Variants in KLHL26 observed in about 807,000 individuals in gnomAD.
KLHL26 encodes the protein kelch like family member 26.
Under a neutral mutation model 7.1 loss-of-function variants are expected in KLHL26, and 4 were observed. That is an observed-to-expected ratio of 0.56 (90% CI 0.28 to 1.28). The LOEUF (loss-of-function observed/expected upper bound fraction) is 1.28, where lower values mean the gene tolerates loss of function less well. Among genes scored for constraint, KLHL26 ranks in the 50% most tolerant of loss-of-function variants. The pLI, the probability that KLHL26 is intolerant of heterozygous loss-of-function variation, is 0.11. For missense variants in KLHL26, 896 were observed against 924.6 expected, an observed-to-expected ratio of 0.97 and a Z score of 0.40; for synonymous variants, 465 against 414.1, an observed-to-expected ratio of 1.12 and a Z score of -1.49.
intron 1 of KLHL26, chr19:18,644,702 T>G (rs1317207753): frequency 6.6e-6 from 1 of 152,376 alleles, no homozygotes; most frequent in East Asian, 1.9e-4. Flanking sequence ...GGTCGATCTT[T>G]TGCCTTTCCA....
At chr19:18,637,204 G>C (rs374935514) in intron 1 of KLHL26, 67 bp downstream of exon 1, 1 of 1,261,128 alleles carries the variant, frequency 7.9e-7, no homozygotes, top group East Asian at 3.1e-5. Context: ...GGGCAGTCTT[G>C]GGCGTCCTGA....
chr19:18,669,251 A>C lies in KLHL26; in HGVS notation c.*6A>C, dbSNP rs2052499412. On this transcript the variant is annotated 3_prime_UTR_variant, in exon 3 of 3. Coordinates refer to ENST00000300976, the MANE Select transcript of KLHL26 (RefSeq NM_018316.3). Reference sequence around the variant, plus strand: ...GGGCCGGGACCAGGAGGTAGCCCCCAAGACCCCCGGGACCCTGGCCTGACC... The same window carrying C: ...GGGCCGGGACCAGGAGGTAGCCCCCCAGACCCCCGGGACCCTGGCCTGACC... The C allele has an allele frequency of 6.2e-7, 1 of 1,604,086 alleles. No homozygotes were observed. The highest frequency in any genetic ancestry group is 1.7e-5 in the Admixed American group (1 of 59,706).
intron 2 of KLHL26, among the ~76,000 whole-genome samples, chr19:18,665,474 C>G: frequency 6.6e-6 from 1 of 152,254 alleles, no homozygotes; most frequent in East Asian, 1.9e-4. Context: ...CCTCAGGACA[C>G]CTGGAGCAGG....
chr19:18,651,552 A>G (rs1356593823), intron 1 of KLHL26, among the ~76,000 whole-genome samples: 1 of 152,014 alleles, frequency 6.6e-6, no homozygotes, highest in Admixed American at 6.5e-5. Flanking sequence ...TTCATGACAG[A>G]CCCCCTCTGA....
chr19:18,638,257 T>G (rs151204229), intron 1 of KLHL26, among the ~76,000 whole-genome samples: 26 of 152,156 alleles, frequency 1.7e-4, no homozygotes, highest in African/African-American at 6.0e-4. Context: ...GTGGGCTGAT[T>G]GTTGGAGGGA....
In KLHL26 at chr19:18,668,564, C is replaced by T. The variant is rs780831838; in HGVS notation, c.1167C>T (p.His389=). ...ACGCCTGCTACCGCTACGACCCCCACCTGAATCGCTGGCTGCGCCTGCAGG... is the reference window on the plus strand; with the variant it reads ...ACGCCTGCTACCGCTACGACCCCCATCTGAATCGCTGGCTGCGCCTGCAGG... ...AVDACYRYDP[H]LNRWLRLQAM... Residue 389 remains histidine, a synonymous_variant, in exon 3 of 3, where the codon CAC becomes CAT. Coordinates refer to ENST00000300976, the MANE Select transcript of KLHL26 (RefSeq NM_018316.3). The T allele has an allele frequency of 3.2e-5, 51 of 1,593,810 alleles. No individual in the cohort carries two copies. The African/African-American group carries it at 4.7e-4, about 15-fold the overall frequency.
Position 18,668,951 on chromosome 19 carries a change from C to T in KLHL26, c.1554C>T (p.Asp518=), listed in dbSNP as rs1323772589. The T allele has an allele frequency of 1.2e-6, 2 of 1,610,884 alleles. No homozygotes were observed. Among genetic ancestry groups the T allele is most frequent in the South Asian group, 1.1e-5 (1 of 91,088 alleles). The change falls in exon 3 of 3, where the codon GAC becomes GAT. Residue 518 remains aspartate (D), a synonymous_variant. Coordinates refer to ENST00000300976, the MANE Select transcript of KLHL26 (RefSeq NM_018316.3). The part of the protein sequence containing the change: ...GRIYALGGRM[D]HVDRCFDVLA... ...TCTATGCCCTCGGGGGCCGCATGGA[C>T]CACGTGGACCGCTGCTTCGACGTGC...
At chr19:18,639,461 G>GT (rs1411174032) in intron 1 of KLHL26, among the ~76,000 whole-genome samples, 9 of 137,276 alleles carry the variant, frequency 6.6e-5, no homozygotes, top group African/African-American at 2.5e-4. Context: ...CCAGGCTGGA[G>GT]TGCAGTAGTG....
At position 18,669,437 on chromosome 19, in the gene KLHL26, C is replaced by T. The variant is rs1193794957; in HGVS notation, c.*192C>T. Reference sequence around the variant, plus strand: ...CCCAAAGCAGATCCTGGCTGCGAGTCCATCCGAGGGAGCCTGCCGGCAAAG... The same window carrying T: ...CCCAAAGCAGATCCTGGCTGCGAGTTCATCCGAGGGAGCCTGCCGGCAAAG... On this transcript the variant is annotated 3_prime_UTR_variant, in exon 3 of 3. Coordinates refer to ENST00000300976, the MANE Select transcript of KLHL26 (RefSeq NM_018316.3). 5.0e-6 allele frequency: 3 copies of T among 594,214 alleles called. No individual in the cohort carries two copies. The highest frequency in any genetic ancestry group is 3.1e-5 in the Admixed American group (1 of 32,310). The allele number at this position is 594,214 out of a possible 1,614,324, so 36.8% of individuals were successfully genotyped here. A position where few individuals can be genotyped will look rare whatever the true frequency, so the allele number is the denominator to read the frequency against.
intron 1 of KLHL26, among the ~76,000 whole-genome samples, chr19:18,638,069 C>T (rs1220075084): frequency 1.3e-5 from 2 of 152,142 alleles, no homozygotes; most frequent in African/African-American, 4.8e-5. Context: ...TGCTCTTTTC[C>T]TATTGGGCAA....
At chr19:18,645,761 G>A (rs959971354) in intron 1 of KLHL26, among the ~76,000 whole-genome samples, 1 of 150,952 alleles carries the variant, frequency 6.6e-6, no homozygotes, top group African/African-American at 2.4e-5. Flanking sequence ...GCAATGAGCC[G>A]AGATCCTGCC....
In KLHL26 at chr19:18,669,188, C is replaced by G; in HGVS notation, c.1791C>G (p.Ser597=). The G allele has an allele frequency of 6.2e-7, 1 of 1,612,560 alleles. No homozygotes were observed. The highest frequency in any genetic ancestry group is 1.6e-4 in the Middle Eastern group (1 of 6,062). The part of the protein sequence containing the change: ...EWERDLHFPE[S]FAGIACAPVL... ...AGCGGGACCTGCACTTCCCGGAGTC[C>G]TTCGCAGGCATAGCCTGCGCCCCCG... The change falls in exon 3 of 3, where the codon TCC becomes TCG. Residue 597 remains serine (S), a synonymous_variant. Transcript: ENST00000300976.
chr19:18,655,947 AG>A (rs1222477989), intron 1 of KLHL26, among the ~76,000 whole-genome samples: 3 of 152,160 alleles, frequency 2.0e-5, no homozygotes, highest in Admixed American at 1.3e-4. Flanking sequence ...CCCGGCCTTG[AG>A]GGCACTGGGC....
At chr19:18,643,630 C>T (rs1976753648) in intron 1 of KLHL26, among the ~76,000 whole-genome samples, 2 of 151,792 alleles carry the variant, frequency 1.3e-5, no homozygotes, top group South Asian at 4.2e-4. Context: ...AGACATGTGC[C>T]ACCATGCCTG....
chr19:18,663,022 T>TCCAGCACCC (rs1280509306), intron 1 of KLHL26, among the ~76,000 whole-genome samples: 1 of 152,116 alleles, frequency 6.6e-6, no homozygotes, highest in African/African-American at 2.4e-5. Context: ...AGGTCTGGGC[T>TCCAGCACCC]CCAGCACCCC....
chr19:18,637,816 A>G (rs1241795377), intron 1 of KLHL26, among the ~76,000 whole-genome samples: 1 of 152,102 alleles, frequency 6.6e-6, no homozygotes, highest in Non-Finnish European at 1.5e-5. Context: ...ATGGGGTCCA[A>G]ATCCACATCC....
chr19:18,659,985 A>G (rs899869228), intron 1 of KLHL26, among the ~76,000 whole-genome samples: 4 of 152,218 alleles, frequency 2.6e-5, no homozygotes, highest in African/African-American at 9.6e-5. Context: ...GGGCCCCACG[A>G]AAGAACAGCG....
rs992021876 is a variant in KLHL26 at position 18,667,785 on chromosome 19, C to G, written c.388C>G (p.Leu130Val). ...CTACAGCGCCGAGGTGACACTGGAC[C>G]TGGACTGCGTGCAGGACGTGCTGGG... Reference protein sequence around the residue: ...FAYSAEVTLDLDCVQDVLGAA... With the variant: ...FAYSAEVTLDVDCVQDVLGAA... Residue 130 changes from leucine (L) to valine (V), a missense_variant, in exon 3 of 3, where the codon CTG (leucine) becomes GTG (valine). Transcript: ENST00000300976. The G allele has an allele frequency of 6.2e-7, 1 of 1,613,322 alleles. No homozygotes were observed. Among genetic ancestry groups the G allele is most frequent in the Admixed American group, 1.7e-5 (1 of 60,004 alleles).
At chr19:18,659,178 C>G (rs2052366732) in intron 1 of KLHL26, among the ~76,000 whole-genome samples, 1 of 152,184 alleles carries the variant, frequency 6.6e-6, no homozygotes, top group Non-Finnish European at 1.5e-5. Context: ...AAGTCTCTGT[C>G]ACTCCCTCTC....
Sources: gnomAD v4.1 joint callset for allele counts (sites outside exome capture counted in the v4.1 genomes callset) on GRCh38, gnomAD v4.1.1 for gene constraint, MANE v1.5 for transcripts, NCBI Gene and HGNC (gene_info 2026-07-23, HGNC 2026-07-21) for gene names.